Variants in EEF1A1 observed in about 807,000 individuals in gnomAD.
The protein encoded by EEF1A1 is eukaryotic translation elongation factor 1 alpha 1.
A neutral mutation model predicts 38.5 loss-of-function variants in EEF1A1; 1 was observed. The ratio of observed to expected loss-of-function variants is 0.03; its 90% CI spans 0.01 to 0.12. The LOEUF (loss-of-function observed/expected upper bound fraction) is 0.12, where lower values mean the gene tolerates loss of function less well. Among genes scored for constraint, EEF1A1 ranks in the 10% least tolerant of loss-of-function variants. The pLI is 1.00. For synonymous variants in EEF1A1, 229 were observed against 203.7 expected (o/e 1.12, Z -1.06); for missense variants, 184 against 588.3 (o/e 0.31, Z 7.11).
intron 1 of EEF1A1, chr6:73,520,632 C>G (rs976130471): frequency 6.6e-6 from 1 of 152,508 alleles, no homozygotes; most frequent in Admixed American, 6.5e-5. Context: ...CCCGCGGCCC[C>G]AAAAACCGAA....
rs1223723333 is a variant in EEF1A1, at chr6:73,517,111, T to A, written c.*699A>T. On this transcript the variant is annotated 3_prime_UTR_variant, in exon 8 of 8. Transcript: ENST00000309268. Reference sequence around the variant, plus strand: ...CACTAGCCACTACACTTATTTCTTATGTCATGGCAAATAGTCAACTTTCAC... The same window carrying A: ...CACTAGCCACTACACTTATTTCTTAAGTCATGGCAAATAGTCAACTTTCAC... 3 of 152,302 alleles carry A rather than the reference T, an allele frequency of 2.0e-5. No individual in the cohort carries two copies. Among genetic ancestry groups the A allele is most frequent in the Admixed American group, 6.5e-5 (1 of 15,282 alleles). The allele number at this position is 152,302 out of a possible 1,614,324, so 9.4% of individuals were successfully genotyped here. A position where few individuals can be genotyped will look rare whatever the true frequency, so the allele number is the denominator to read the frequency against.
At position 73,517,486 on chromosome 6, in the gene EEF1A1, T is replaced by A. The variant is rs1191866120; in HGVS notation, c.*324A>T. On this transcript the variant is annotated 3_prime_UTR_variant, in exon 8 of 8. Transcript: ENST00000309268. ...GAATTAGATGTCTTTCACCTAAATG[T>A]CTCGGTGTTGACCAAAGGAACACAC... 1 of 264,446 alleles carries A rather than the reference T, an allele frequency of 3.8e-6. No homozygotes were observed. The highest frequency in any genetic ancestry group is 4.9e-5 in the Admixed American group (1 of 20,400). The allele number at this position is 264,446 out of a possible 1,614,324, so 16.4% of individuals were successfully genotyped here.
At position 73,515,926 on chromosome 6, in the gene EEF1A1, C is replaced by G. The variant is rs770220875; in HGVS notation, c.*1884G>C. 6.6e-6 allele frequency: 1 copy of G among 152,292 alleles called. No individual in the cohort carries two copies. The highest frequency in any genetic ancestry group is 1.5e-5 in the Non-Finnish European group (1 of 68,032). The allele number at this position is 152,292 out of a possible 1,614,324, so 9.4% of individuals were successfully genotyped here. A position where few individuals can be genotyped will look rare whatever the true frequency, so the allele number is the denominator to read the frequency against. ...AGTGGGAACAATTTTTCAGTTAAAT[C>G]TTGCTTCCTTGCATGTCAAGAATTC... is the stretch of plus-strand genomic sequence containing the variant. On this transcript the variant is annotated 3_prime_UTR_variant, in exon 8 of 8. Coordinates refer to ENST00000309268, the MANE Select transcript of EEF1A1 (RefSeq NM_001402.6).
At position 73,519,870 on chromosome 6, in the gene EEF1A1, G is replaced by A; in HGVS notation, c.144+13C>T. The A allele has an allele frequency of 6.2e-7, 1 of 1,612,530 alleles. No individual in the cohort carries two copies. The highest frequency in any genetic ancestry group is 8.5e-7 in the Non-Finnish European group (1 of 1,179,734). ...ATTTTAGTTGATCTTTCCCTTTCTG[G>A]TATTAAACATACCTCAGCAGCCTCC... is the stretch of plus-strand genomic sequence containing the variant. On this transcript the variant is annotated intron_variant, in intron 2 of 7. Transcript: ENST00000309268.
At position 73,517,909 on chromosome 6, in the gene EEF1A1, T is replaced by C. The variant is rs950422855; in HGVS notation, c.1290A>G (p.Arg430=). 1.9e-6 allele frequency: 3 copies of C among 1,613,312 alleles called. No homozygotes were observed. Among genetic ancestry groups the C allele is most frequent in the African/African-American group, 2.7e-5 (2 of 74,784 alleles). The part of the protein sequence containing the change: ...PLGRFAVRDM[R]QTVAVGVIKA... Reference sequence around the variant, plus strand: ...TGATGACACCCACCGCAACTGTCTGTCTCATATCACGAACAGCAAAGCGAC... The same window carrying C: ...TGATGACACCCACCGCAACTGTCTGCCTCATATCACGAACAGCAAAGCGAC... Residue 430 remains arginine, a synonymous_variant, in exon 8 of 8, where the codon AGA becomes AGG. Coordinates refer to ENST00000309268, the MANE Select transcript of EEF1A1 (RefSeq NM_001402.6).
chr6:73,516,481 A>C lies in EEF1A1; in HGVS notation c.*1329T>G, dbSNP rs1469109023. 6.6e-6 allele frequency: 1 copy of C among 152,174 alleles called. No individual in the cohort carries two copies. Among genetic ancestry groups the C allele is most frequent in the African/African-American group, 2.4e-5 (1 of 41,444 alleles). The allele number at this position is 152,174 out of a possible 1,614,324, so 9.4% of individuals were successfully genotyped here. A position where few individuals can be genotyped will look rare whatever the true frequency, so the allele number is the denominator to read the frequency against. On this transcript the variant is annotated 3_prime_UTR_variant, in exon 8 of 8. Coordinates refer to ENST00000309268, the MANE Select transcript of EEF1A1 (RefSeq NM_001402.6). ...CAAATTAGCACATGCCTGTAATCCC[A>C]GCTACTTGGGAGGCTGAAGTAGGAG... is the stretch of plus-strand genomic sequence containing the variant.
rs944731778 is a variant in EEF1A1, at chr6:73,516,254, A to G, written c.*1556T>C. The G allele has an allele frequency of 5.9e-5, 9 of 152,146 alleles. No individual in the cohort carries two copies. The highest frequency in any genetic ancestry group is 1.7e-4 in the African/African-American group (7 of 41,430). 9.4% of individuals were successfully genotyped at this position (152,146 alleles called of 1,614,324 possible). ...TACCTTTGAATCTTGAGCAATACAC[A>G]TTGCCAGTCACTTTAAGAGGCCTTA... On this transcript the variant is annotated 3_prime_UTR_variant, in exon 8 of 8. Transcript: ENST00000309268.
intron 4 of EEF1A1, 27 bp from the exon 5 acceptor site, chr6:73,518,875 T>C: frequency 2.5e-6 from 4 of 1,611,830 alleles, no homozygotes; most frequent in Non-Finnish European, 3.4e-6. Context: ...CCAATTTGTG[T>C]AAGCATGAAA....
chr6:73,520,083 C>T, intron 1 of EEF1A1, 27 bp from the exon 2 acceptor site: 1 of 1,565,548 alleles, frequency 6.4e-7, no homozygotes, highest in Non-Finnish European at 8.6e-7. Context: ...AAACTTTGAA[C>T]CACTGTCTGA....
rs1015198828 is a variant in EEF1A1, at chr6:73,517,452, G to A, written c.*358C>T. ...ACATTTTCAAGAAGTTTCCAGATTC[G>A]TAAAACCAGAATTAGATGTCTTTCA... On this transcript the variant is annotated 3_prime_UTR_variant, in exon 8 of 8. Coordinates refer to ENST00000309268, the MANE Select transcript of EEF1A1 (RefSeq NM_001402.6). 2.0e-5 allele frequency: 4 copies of A among 200,446 alleles called. No homozygotes were observed. Among genetic ancestry groups the A allele is most frequent in the South Asian group, 1.3e-4 (1 of 7,696 alleles). The allele number at this position is 200,446 out of a possible 1,614,324, so 12.4% of individuals were successfully genotyped here.
intron 5 of EEF1A1, 33 bp from the exon 6 acceptor site, chr6:73,518,643 G>C (rs1446497849): frequency 9.9e-6 from 16 of 1,612,866 alleles, no homozygotes; most frequent in Non-Finnish European, 1.2e-5. Flanking sequence ...AAATACCTAT[G>C]AAGGCAGACA....
rs769470673 is a variant in EEF1A1 at position 73,518,944 on chromosome 6, C to T, written c.609G>A (p.Glu203=). 9 of 1,611,598 alleles carry T rather than the reference C, an allele frequency of 5.6e-6. No homozygotes were observed. The East Asian group carries it at 2.0e-4, about 36-fold the overall frequency. The change falls in exon 4 of 8, where the codon GAG becomes GAA. Residue 203 remains glutamate (E), a synonymous_variant. Transcript: ENST00000309268. The part of the protein sequence containing the change: ...ISGWNGDNML[E]PSANMPWFKG... The stretch of plus-strand genomic sequence containing the variant: ...GAAAGCCACTTACGTTAGCACTTGG[C>T]TCCAGCATGTTGTCACCATTCCAAC...
chr6:73,520,086 C>T (rs1302656771), intron 1 of EEF1A1, 30 bp from the exon 2 acceptor site: 41 of 1,550,718 alleles, frequency 2.6e-5, no homozygotes, highest in Non-Finnish European at 3.4e-5. Context: ...CTTTGAACCA[C>T]TGTCTGAGGC....
Position 73,518,399 on chromosome 6 carries a change from G to A in EEF1A1, c.984C>T (p.Asp328=). The change falls in exon 6 of 8, where the codon GAC becomes GAT. Residue 328 remains aspartate (D), a synonymous_variant. Transcript: ENST00000309268. ...CTTCCATTGGTGGGTCATTTTTGCT[G>A]TCACCAGCAACGTTGCCACGACGAA... The part of the protein sequence containing the change: ...KDVRRGNVAG[D]SKNDPPMEAA... 1 of 1,613,584 alleles carries A rather than the reference G, an allele frequency of 6.2e-7. No homozygotes were observed. The highest frequency in any genetic ancestry group is 8.5e-7 in the Non-Finnish European group (1 of 1,179,988).
At chr6:73,518,317 G>A (rs1386310923) in intron 6 of EEF1A1, 37 bp downstream of exon 6, 5 of 1,611,942 alleles carry the variant, frequency 3.1e-6, no homozygotes, top group Admixed American at 1.7e-5. Flanking sequence ...AATGACTTTA[G>A]CCTCTGCAAT....
chr6:73,519,327 TC>T lies in EEF1A1; in HGVS notation c.324+9del, dbSNP rs768363027. 3 of 1,607,300 alleles carry T rather than the reference TC, an allele frequency of 1.9e-6. No homozygotes were observed. Among genetic ancestry groups the T allele is most frequent in the South Asian group, 2.2e-5 (2 of 90,870 alleles). Reference sequence around the variant, plus strand: ...GGATAAAGAAACCTAGAATTATTAATCCCACCAACCTGAGATGTCCCTGTAA... The same window carrying T: ...GGATAAAGAAACCTAGAATTATTAATCCACCAACCTGAGATGTCCCTGTAA... On this transcript the variant is annotated intron_variant, in intron 3 of 7. Transcript: ENST00000309268.
At position 73,520,116 on chromosome 6, in the gene EEF1A1, C is replaced by G. The variant is rs967025100; in HGVS notation, c.-30-60G>C. The G allele has an allele frequency of 2.0e-6, 3 of 1,493,090 alleles. No individual in the cohort carries two copies. The African/African-American group carries it at 4.2e-5, about 21-fold the overall frequency. The allele number at this position is 1,493,090 out of a possible 1,614,324, so 92.5% of individuals were successfully genotyped here. A position where few individuals can be genotyped will look rare whatever the true frequency, so the allele number is the denominator to read the frequency against. ...TGAGGCTTGAGAATGAACCAAGATC[C>G]AAACTCAAAAAGGGCAAATTCCAAG... is the stretch of plus-strand genomic sequence containing the variant. On this transcript the variant is annotated intron_variant, in intron 1 of 7. Transcript: ENST00000309268.
In EEF1A1 at chr6:73,515,764, T is replaced by C. The variant is rs1303402718; in HGVS notation, c.*2046A>G. ...GCCACTTCATCTTAAAGCTTAAAAT[T>C]CATTTATTGTAGTGAGCAAGTTTGT... On this transcript the variant is annotated 3_prime_UTR_variant, in exon 8 of 8. Transcript: ENST00000309268. 6.6e-6 allele frequency: 1 copy of C among 152,234 alleles called. No individual in the cohort carries two copies. Among genetic ancestry groups the C allele is most frequent in the South Asian group, 2.1e-4 (1 of 4,834 alleles). 9.4% of individuals were successfully genotyped at this position (152,234 alleles called of 1,614,324 possible).
At chr6:73,520,568 C>T (rs1001666460) in intron 1 of EEF1A1, 1 of 150,934 alleles carries the variant, frequency 6.6e-6, no homozygotes, top group Non-Finnish European at 1.5e-5. Context: ...TGGCCGCGCT[C>T]GCAGGCCCCG....
Sources: gnomAD v4.1 joint callset for allele counts on GRCh38, gnomAD v4.1.1 for gene constraint, MANE v1.5 for transcripts, NCBI Gene and HGNC (gene_info 2026-07-23, HGNC 2026-07-21) for gene names.